Variants in CNTNAP2 observed in about 807,000 individuals in gnomAD.
The protein encoded by CNTNAP2 is contactin associated protein 2, also known as contactin-associated protein-like 2.
In CNTNAP2, 98 loss-of-function variants were observed where a neutral mutation model predicts 155.2. The ratio of observed to expected loss-of-function variants is 0.63; its 90% CI spans 0.54 to 0.75. The LOEUF (loss-of-function observed/expected upper bound fraction) is 0.75, where lower values mean the gene tolerates loss of function less well. CNTNAP2 is among the 30% of genes least tolerant of loss of function. CNTNAP2 has a pLI of 0.00. For synonymous variants in CNTNAP2, 651 were observed against 631.2 expected (o/e 1.03, Z -0.47); for missense variants, 1,727 against 1,688.1 (o/e 1.02, Z -0.40).
intron 20 of CNTNAP2, among the ~76,000 whole-genome samples, chr7:148,247,216 A>G (rs998615333): frequency 7.9e-5 from 12 of 152,202 alleles, no homozygotes; most frequent in Non-Finnish European, 1.6e-4. Context: ...TTATATTACT[A>G]GTTATGGAAA....
chr7:147,325,776 T>C (rs1795443465), intron 9 of CNTNAP2, among the ~76,000 whole-genome samples: 1 of 152,226 alleles, frequency 6.6e-6, no homozygotes, highest in East Asian at 1.9e-4. Context: ...TACAGTTTGG[T>C]GACATTAGGT....
intron 13 of CNTNAP2, among the ~76,000 whole-genome samples, chr7:147,901,326 C>G (rs1408762778): frequency 2.0e-5 from 3 of 152,162 alleles, no homozygotes; most frequent in Admixed American, 2.0e-4. Context: ...GCTTAAAATC[C>G]TTTACTAGTT....
chr7:147,155,655 T>C (rs373274364), intron 8 of CNTNAP2, among the ~76,000 whole-genome samples: 21 of 152,320 alleles, frequency 1.4e-4, no homozygotes, highest in African/African-American at 5.0e-4. Flanking sequence ...TTAAGCATAA[T>C]ATATGACATG....
At chr7:147,234,398 C>T (rs1455045230) in intron 8 of CNTNAP2, among the ~76,000 whole-genome samples, 1 of 128,170 alleles carries the variant, frequency 7.8e-6, no homozygotes, top group Admixed American at 9.7e-5. Flanking sequence ...AGTGCAGTGG[C>T]GCGATCTCGG....
At chr7:146,525,574 A>C (rs994989346) in intron 1 of CNTNAP2, among the ~76,000 whole-genome samples, 40 of 132,700 alleles carry the variant, frequency 3.0e-4, no homozygotes, top group South Asian at 8.6e-4. Flanking sequence ...CTATCTATCT[A>C]TCTCTCTATC....
chr7:147,544,517 A>T (rs981147430), intron 11 of CNTNAP2, among the ~76,000 whole-genome samples: 4 of 152,114 alleles, frequency 2.6e-5, no homozygotes, highest in African/African-American at 9.7e-5. Flanking sequence ...TCAGAAAACA[A>T]TTTTGAAATA....
chr7:148,411,050 G>C (rs957040297), intron 23 of CNTNAP2, among the ~76,000 whole-genome samples: 5 of 149,852 alleles, frequency 3.3e-5, no homozygotes, highest in African/African-American at 1.2e-4. Flanking sequence ...GATTTAACAA[G>C]CTGTAGCATC....
chr7:146,294,131 G>C (rs957213930), intron 1 of CNTNAP2, among the ~76,000 whole-genome samples: 2 of 152,144 alleles, frequency 1.3e-5, no homozygotes, highest in African/African-American at 2.4e-5. Context: ...CAGACAATTC[G>C]ACAGAATCAC....
chr7:147,361,180 T>C (rs774117821), intron 9 of CNTNAP2, among the ~76,000 whole-genome samples: 20 of 152,208 alleles, frequency 1.3e-4, no homozygotes, highest in South Asian at 4.1e-4. Flanking sequence ...CAAATGAATT[T>C]GGAAAGCAAT....
chr7:147,975,966 G>T (rs181282105), intron 14 of CNTNAP2, among the ~76,000 whole-genome samples: 13 of 152,252 alleles, frequency 8.5e-5, no homozygotes, highest in East Asian at 1.9e-4. Context: ...CTTTGGGGGG[G>T]TCTTATGTCT....
At chr7:147,859,215 G>A (rs1396279395) in intron 13 of CNTNAP2, among the ~76,000 whole-genome samples, 1 of 152,154 alleles carries the variant, frequency 6.6e-6, no homozygotes, top group South Asian at 2.1e-4. Flanking sequence ...TTATAATGCT[G>A]TTAGGGATCG....
chr7:146,662,406 A>G (rs535706485), intron 1 of CNTNAP2, among the ~76,000 whole-genome samples: 1 of 152,230 alleles, frequency 6.6e-6, no homozygotes, highest in African/African-American at 2.4e-5. Context: ...CAAAGTGTTC[A>G]GATTGCAGGC....
At chr7:146,197,782 C>G (rs368421376) in intron 1 of CNTNAP2, among the ~76,000 whole-genome samples, 7 of 152,198 alleles carry the variant, frequency 4.6e-5, no homozygotes, top group African/African-American at 1.7e-4. Flanking sequence ...AAATATGGCT[C>G]AAATTAAAAG....
At chr7:146,154,756 C>T (rs1241929263) in intron 1 of CNTNAP2, among the ~76,000 whole-genome samples, 1 of 152,202 alleles carries the variant, frequency 6.6e-6, no homozygotes, top group Non-Finnish European at 1.5e-5. Flanking sequence ...GGGCACTACT[C>T]ACTCTTCTGA....
intron 3 of CNTNAP2, among the ~76,000 whole-genome samples, chr7:146,956,092 A>AC (rs11424340): frequency 0.35 from 53,821 of 151,834 alleles, 10,089 homozygotes; most frequent in Middle Eastern, 0.43. Flanking sequence ...AGATCATTAG[A>AC]TTCTAGCAGA....
chr7:146,869,702 G>A, intron 3 of CNTNAP2, among the ~76,000 whole-genome samples: 1 of 152,084 alleles, frequency 6.6e-6, no homozygotes, highest in East Asian at 1.9e-4. Flanking sequence ...CAAAGAACTT[G>A]GGGTCTGATG....
chr7:148,282,289 T>A (rs1796988247), intron 21 of CNTNAP2, among the ~76,000 whole-genome samples: 3 of 152,238 alleles, frequency 2.0e-5, no homozygotes, highest in African/African-American at 7.2e-5. Context: ...GTCATAAGTG[T>A]AGGCTGGAAG....
chr7:147,640,811 T>C (rs1795260510), intron 13 of CNTNAP2, among the ~76,000 whole-genome samples: 1 of 152,050 alleles, frequency 6.6e-6, no homozygotes. Context: ...GAGAAAACCC[T>C]GTGTGTGGTG....
At chr7:147,470,223 G>A (rs1388039921) in intron 10 of CNTNAP2, among the ~76,000 whole-genome samples, 4 of 152,202 alleles carry the variant, frequency 2.6e-5, no homozygotes, top group Admixed American at 6.5e-5. Context: ...AACACCAGCC[G>A]GGAAACCACA....
Sources: allele counts gnomAD v4.1 joint callset (sites outside exome capture counted in the v4.1 genomes callset), GRCh38; gene constraint gnomAD v4.1.1; transcripts MANE v1.5; gene names NCBI Gene and HGNC (gene_info 2026-07-23, HGNC 2026-07-21).